Variants in HECTD4 observed in about 807,000 individuals in gnomAD.
HECTD4 encodes the protein HECT domain E3 ubiquitin protein ligase 4.
HECTD4 carries 114 observed loss-of-function variants against 471.5 expected under a neutral mutation model. That is an observed-to-expected ratio of 0.24 (90% CI 0.21 to 0.28). The LOEUF is 0.28. HECTD4 is among the 10% of genes least tolerant of loss of function. The pLI is 1.00. For missense variants in HECTD4, 3,866 were observed against 5,651.5 expected (o/e 0.68, Z 10.13); for synonymous variants, 2,012 against 2,256.0 (o/e 0.89, Z 3.07).
Position 112,235,162 on chromosome 12 carries a change from T to C in HECTD4, c.5830A>G (p.Ser1944Gly). The C allele has an allele frequency of 1.9e-6, 3 of 1,613,824 alleles. No individual in the cohort carries two copies. The highest frequency in any genetic ancestry group is 2.5e-6 in the Non-Finnish European group (3 of 1,179,820). ...LKGDKDPGEE[S>G]EAVDGKLSIF... ...GAGAGCTTGCCATCCACAGCCTCACTCTCTTCTCCAGGATCTTTATCTCCT... is the reference window on the plus strand; with the variant it reads ...GAGAGCTTGCCATCCACAGCCTCACCCTCTTCTCCAGGATCTTTATCTCCT... Residue 1944 changes from serine (S) to glycine (G), a missense_variant, in exon 37 of 76, where the codon AGT becomes GGT. By Grantham distance (56) the Ser-to-Gly change is moderately conservative (BLOSUM62 0). Coordinates refer to ENST00000682272, the MANE Select transcript of HECTD4 (RefSeq NM_001388303.1). This position sits in a 1 kb window ranked among gnomAD's most constrained non-coding sequence, Gnocchi z 5.0.
At chr12:112,232,492 T>C (rs1199398594) in intron 38 of HECTD4, among the ~76,000 whole-genome samples, 1 of 152,176 alleles carries the variant, frequency 6.6e-6, no homozygotes, top group Non-Finnish European at 1.5e-5. Flanking sequence ...CCCTGGACAC[T>C]TGAGACTTTA....
Position 112,185,228 on chromosome 12 carries a change from G to C in HECTD4, c.9738C>G (p.Asp3246Glu), listed in dbSNP as rs1408671788. The change falls in exon 61 of 76, where the codon GAC becomes GAG. Residue 3246 changes from aspartate to glutamate, a missense_variant. Around this residue, in one of 16 missense-constraint regions of HECTD4, gnomAD observed 364 missense variants for 413.2 expected, o/e 0.88. Transcript: ENST00000682272. ...CGGSGGAAAG[D>E]QGRFSTYFHA... ...GAAAATACGTAGAGAACCTGCCCTG[G>C]TCACCGGCCGCCGCCCCCCCGGAGC... 6.4e-7 allele frequency: 1 copy of C among 1,550,732 alleles called. No individual in the cohort carries two copies. Among genetic ancestry groups the C allele is most frequent in the African/African-American group, 1.4e-5 (1 of 73,038 alleles).
chr12:112,356,431 G>T (rs1177795070), intron 1 of HECTD4, among the ~76,000 whole-genome samples: 1 of 151,966 alleles, frequency 6.6e-6, no homozygotes, highest in African/African-American at 2.4e-5. Flanking sequence ...TTTTTTGTTT[G>T]TTTGTTTTTT....
chr12:112,254,549 T>C (rs980113025), intron 21 of HECTD4, among the ~76,000 whole-genome samples: 1 of 152,096 alleles, frequency 6.6e-6, no homozygotes, highest in Non-Finnish European at 1.5e-5. Context: ...GCCCCTTAAG[T>C]CCTCCCCAAA....
intron 7 of HECTD4, among the ~76,000 whole-genome samples, chr12:112,287,852 A>T (rs571924552): frequency 1.2e-4 from 19 of 152,288 alleles, no homozygotes; most frequent in African/African-American, 4.3e-4. Context: ...TGCTTCAGCT[A>T]TTTTGTAGTC....
In HECTD4 at chr12:112,319,430, G is replaced by T. The variant is rs2035544208; in HGVS notation, c.490C>A (p.Leu164Ile). Residue 164 changes from leucine (L) to isoleucine (I), a missense_variant, in exon 2 of 76, where the codon CTC becomes ATC. Physicochemically the swap from Leu to Ile is conservative, Grantham distance 5 (BLOSUM62 2). Transcript: ENST00000682272. The surrounding 1 kb of genome is among the most constrained non-coding windows in gnomAD (Gnocchi z 5.3). Reference sequence around the variant, plus strand: ...AGCACCTCAGCAGTTATGTTACAGAGAGAGGGGTCTGTTCTACTCTGGGAC... The same window carrying T: ...AGCACCTCAGCAGTTATGTTACAGATAGAGGGGTCTGTTCTACTCTGGGAC... ...IQSQSRTDPS[L>I]CNITAEVLLN... 1 of 1,536,108 alleles carries T rather than the reference G, an allele frequency of 6.5e-7. No individual in the cohort carries two copies. Among genetic ancestry groups the T allele is most frequent in the Non-Finnish European group, 8.7e-7 (1 of 1,146,870 alleles).
chr12:112,197,649 T>C (rs1050553850), intron 55 of HECTD4, among the ~76,000 whole-genome samples: 2 of 152,224 alleles, frequency 1.3e-5, no homozygotes, highest in Non-Finnish European at 2.9e-5. Flanking sequence ...TTAACACTGA[T>C]TAAACATCCT....
At chr12:112,167,206 TG>T in intron 72 of HECTD4, 110 bp downstream of exon 72, 1 of 942,998 alleles carries the variant, frequency 1.1e-6, no homozygotes, top group African/African-American at 1.6e-5. Flanking sequence ...AGGTCCTCTG[TG>T]GGATCCCAAC....
chr12:112,258,541 G>C lies in HECTD4; in HGVS notation c.3083C>G (p.Pro1028Arg), dbSNP rs774386728. 6.2e-7 allele frequency: 1 copy of C among 1,605,968 alleles called. No homozygotes were observed. Among genetic ancestry groups the C allele is most frequent in the South Asian group, 1.1e-5 (1 of 89,900 alleles). ...CPVFAEVGCS[P>R]CGAPDQKCRL... ...GCACTTCTGGTCTGGTGCACCACAC[G>C]GGGAACAGCCCACCTCAGCAAAAAC... Residue 1028 changes from proline (P) to arginine (R), a missense_variant, in exon 20 of 76, where the codon CCG becomes CGG. Coordinates refer to ENST00000682272, the MANE Select transcript of HECTD4 (RefSeq NM_001388303.1).
chr12:112,214,104 C>T (rs1169424979), intron 48 of HECTD4, among the ~76,000 whole-genome samples: 2 of 152,088 alleles, frequency 1.3e-5, no homozygotes, highest in Non-Finnish European at 2.9e-5. Context: ...CACTAAATTC[C>T]ATTATGTTTC....
intron 27 of HECTD4, 51 bp from the exon 28 acceptor site, chr12:112,247,601 A>G (rs1027758780): frequency 7.3e-6 from 6 of 824,532 alleles, no homozygotes; most frequent in Non-Finnish European, 1.1e-5. Context: ...AAGTTTTACT[A>G]TACATATATT....
chr12:112,334,303 A>C (rs1228592266), intron 1 of HECTD4, among the ~76,000 whole-genome samples: 1 of 151,580 alleles, frequency 6.6e-6, no homozygotes, highest in Non-Finnish European at 1.5e-5. Context: ...TAATATCCAT[A>C]ATCTACAGTG....
In HECTD4 at chr12:112,184,335, C is replaced by G. The variant is rs752145056; in HGVS notation, c.10631G>C (p.Gly3544Ala). 1.9e-6 allele frequency: 3 copies of G among 1,613,084 alleles called. No individual in the cohort carries two copies. Among genetic ancestry groups the G allele is most frequent in the Non-Finnish European group, 2.5e-6 (3 of 1,179,818 alleles). The part of the protein sequence containing the change: ...ESLDISLCST[G>A]SLGSLGSLGE... ...CAGGCTGCCCAGGCTGCCCAGGCTGCCGGTGCTGCACAGGGAAATGTCCAG... is the reference window on the plus strand; with the variant it reads ...CAGGCTGCCCAGGCTGCCCAGGCTGGCGGTGCTGCACAGGGAAATGTCCAG... Residue 3544 changes from glycine (G) to alanine (A), a missense_variant, in exon 61 of 76, where the codon GGC becomes GCC. Physicochemically the swap from Gly to Ala is moderately conservative, Grantham distance 60. This residue lies in a region of HECTD4 where 192 missense variants were observed against 189.9 expected (regional missense o/e 1.01). Coordinates refer to ENST00000682272, the MANE Select transcript of HECTD4 (RefSeq NM_001388303.1). This position sits in a 1 kb window ranked among gnomAD's most constrained non-coding sequence, Gnocchi z 9.1.
chr12:112,173,035 A>G lies in HECTD4; in HGVS notation c.11595-174T>C, dbSNP rs1459413458. Among the ~76,000 whole-genome samples, 2 of 152,162 alleles carry G rather than the reference A, an allele frequency of 1.3e-5. No individual in the cohort carries two copies. Among genetic ancestry groups the G allele is most frequent in the Non-Finnish European group, 2.9e-5 (2 of 68,024 alleles). On this transcript the variant is annotated intron_variant, in intron 66 of 75. Transcript: ENST00000682272. This position sits in a 1 kb window ranked among gnomAD's most constrained non-coding sequence, Gnocchi z 4.3. ...AGCTCCTCATGGGGAAAGCTCTTTC[A>G]AAAGAAGCAAGCCAAGCATGCCGGT...
rs753626911 is a variant in HECTD4, at chr12:112,217,202, C to T, written c.7075-7G>A. ...TCCAAGTAATCTCTTTGGGCTGCAT[C>T]AGGGAGAAAAACCCATATTCAGTAG... On this transcript the variant is annotated splice_polypyrimidine_tract_variant and splice_region_variant and intron_variant, in intron 45 of 75. Transcript: ENST00000682272. The T allele has an allele frequency of 9.3e-6, 14 of 1,497,724 alleles. No individual in the cohort carries two copies. Among genetic ancestry groups the T allele is most frequent in the Non-Finnish European group, 1.2e-5 (14 of 1,122,968 alleles). The allele number at this position is 1,497,724 out of a possible 1,614,324, so 92.8% of individuals were successfully genotyped here.
chr12:112,271,256 A>G (rs973447084), intron 11 of HECTD4, among the ~76,000 whole-genome samples: 1 of 152,186 alleles, frequency 6.6e-6, no homozygotes, highest in African/African-American at 2.4e-5. Flanking sequence ...GTCTACATGA[A>G]CTGGCTTTGG....
rs773377564 is a variant in HECTD4 at position 112,228,268 on chromosome 12, G to A, written c.6685-10C>T. The stretch of plus-strand genomic sequence containing the variant: ...TATGAAGAGGCAATGCCTGATGGCG[G>A]TGGGGGGGCATGGCAAAAAGTTAAA... On this transcript the variant is annotated splice_polypyrimidine_tract_variant and intron_variant, in intron 42 of 75. Coordinates refer to ENST00000682272, the MANE Select transcript of HECTD4 (RefSeq NM_001388303.1). The surrounding 1 kb of genome is among the most constrained non-coding windows in gnomAD (Gnocchi z 4.9). The A allele has an allele frequency of 1.3e-6, 2 of 1,561,530 alleles. No individual in the cohort carries two copies. Among genetic ancestry groups the A allele is most frequent in the Non-Finnish European group, 1.7e-6 (2 of 1,156,842 alleles).
At chr12:112,308,277 A>G (rs2035304388) in intron 6 of HECTD4, among the ~76,000 whole-genome samples, 1 of 152,230 alleles carries the variant, frequency 6.6e-6, no homozygotes, top group Non-Finnish European at 1.5e-5. Flanking sequence ...GCCATGGCAG[A>G]GTGCTTACGA....
chr12:112,193,269 C>G lies in HECTD4; in HGVS notation c.8956-78G>C. The G allele has an allele frequency of 6.5e-7, 1 of 1,548,082 alleles. No homozygotes were observed. The highest frequency in any genetic ancestry group is 8.8e-7 in the Non-Finnish European group (1 of 1,138,704). The stretch of plus-strand genomic sequence containing the variant: ...TTTCATCTTCTCATCTCACATGGCC[C>G]AGGAAATCAGCCAAACGACTAAATA... On this transcript the variant is annotated intron_variant, in intron 57 of 75. Transcript: ENST00000682272. This position sits in a 1 kb window ranked among gnomAD's most constrained non-coding sequence, Gnocchi z 5.2.
Sources: allele counts gnomAD v4.1 joint callset (sites outside exome capture counted in the v4.1 genomes callset), GRCh38; gene constraint gnomAD v4.1.1; regional missense constraint gnomAD v4.1.1; non-coding constraint Gnocchi (gnomAD v3.1); transcripts MANE v1.5; gene names NCBI Gene and HGNC (gene_info 2026-07-23, HGNC 2026-07-21).